Variants in KANK1 observed in about 807,000 individuals in gnomAD.
KANK1 encodes the protein KN motif and ankyrin repeat domains 1, also known as KN motif and ankyrin repeat domain-containing protein 1.
In KANK1, 109 loss-of-function variants were observed where a neutral mutation model predicts 106.2. The observed-to-expected ratio is 1.03, with a 90% CI of 0.88 to 1.20. The LOEUF (loss-of-function observed/expected upper bound fraction) is 1.20. Ranked by LOEUF, KANK1 falls within the 50% of genes most tolerant of loss-of-function variation. The probability of loss-of-function intolerance (pLI) is 0.00; values close to 1 mark genes in which losing one functional copy is unlikely to be tolerated. For missense variants in KANK1, 2,399 were observed against 1,710.7 expected (o/e 1.40, Z -7.10); for synonymous variants, 873 against 652.2 (o/e 1.34, Z -5.16).
Position 491,600 on chromosome 9 carries a change from G to A in KANK1, c.-362+18327G>A, listed in dbSNP as rs1335701554. Among the ~76,000 whole-genome samples, 10 of 152,054 alleles carry A rather than the reference G, an allele frequency of 6.6e-5. No individual in the cohort carries two copies. In the East Asian group the frequency reaches 1.7e-3, roughly 26 times the overall value. ...AATTTTAAATAGCATGGTGATAGTG[G>A]GCCTCTCTGGGGAGGTGACATTTGT... On this transcript the variant is annotated intron_variant, in intron 3 of 15. Transcript: ENST00000382303.
At position 476,205 on chromosome 9, in the gene KANK1, T is replaced by G. The variant is rs1416596111; in HGVS notation, c.-362+2932T>G. Among the ~76,000 whole-genome samples, 3 of 150,102 alleles carry G rather than the reference T, an allele frequency of 2.0e-5. No homozygotes were observed. In the Admixed American group the frequency reaches 2.0e-4, roughly 10 times the overall value. ...AGGTCCTTAAATGCCTGCTCCACAG[T>G]ATTAGCCAAACATGAACAAGATCCC... On this transcript the variant is annotated intron_variant, in intron 3 of 15. Transcript: ENST00000382303.
chr9:590,260 C>G (rs566194015), intron 1 of KANK1, among the ~76,000 whole-genome samples: 1 of 152,066 alleles, frequency 6.6e-6, no homozygotes, highest in East Asian at 1.9e-4. Context: ...GTTCTAATAG[C>G]CTTTGTTATT....
At position 664,623 on chromosome 9, in the gene KANK1, G is replaced by T. The variant is rs534096111; in HGVS notation, c.-83-12267G>T. On this transcript the variant is annotated intron_variant, in intron 1 of 11. Coordinates refer to ENST00000382297, the MANE Select transcript of KANK1 (RefSeq NM_015158.5). Reference sequence around the variant, plus strand: ...CCATATTTTGTCTATTATGGATAGTGCTGCAATAAACATGCAAGTACAGAT... The same window carrying T: ...CCATATTTTGTCTATTATGGATAGTTCTGCAATAAACATGCAAGTACAGAT... 7.9e-5 allele frequency among the ~76,000 whole-genome samples: 12 copies of T among 152,262 alleles called. 1 individual carries two copies. In the South Asian group the frequency reaches 8.3e-4, roughly 11 times the overall value.
intron 3 of KANK1, among the ~76,000 whole-genome samples, chr9:479,547 T>A (rs1007512239): frequency 1.3e-5 from 2 of 152,242 alleles, no homozygotes; most frequent in Non-Finnish European, 2.9e-5. Context: ...CTGCAGGTGA[T>A]TCAGCTGCTA....
Position 671,878 on chromosome 9 carries a change from G to T in KANK1, c.-83-5012G>T, listed in dbSNP as rs977578619. Among the ~76,000 whole-genome samples the T allele has an allele frequency of 5.3e-5, 8 of 152,008 alleles. No individual in the cohort carries two copies. The East Asian group carries it at 7.8e-4, about 15-fold the overall frequency. On this transcript the variant is annotated intron_variant, in intron 1 of 11. Coordinates refer to ENST00000382297, the MANE Select transcript of KANK1 (RefSeq NM_015158.5). The stretch of plus-strand genomic sequence containing the variant: ...CAGGAGAATCACCTGAACCTGGGAG[G>T]CGGAGGTTGCAGTGAGCTGAGATCG...
At chr9:648,198 G>T (rs911371877) in intron 1 of KANK1, among the ~76,000 whole-genome samples, 3 of 150,922 alleles carry the variant, frequency 2.0e-5, no homozygotes, top group Non-Finnish European at 4.4e-5. Flanking sequence ...GAGACGGGGT[G>T]TCATCATGTT....
rs554786671 is a variant in KANK1, at chr9:652,245, G to A, written c.-83-24645G>A. The stretch of plus-strand genomic sequence containing the variant: ...TCAGAGTGTTTGCAGTGTGGGCCAG[G>A]TGCGACGGTTTACTCCTGTAATCCC... On this transcript the variant is annotated intron_variant, in intron 1 of 11. Transcript: ENST00000382297. Among the ~76,000 whole-genome samples, 3 of 152,246 alleles carry A rather than the reference G, an allele frequency of 2.0e-5. No homozygotes were observed. The East Asian group carries it at 5.8e-4, about 29-fold the overall frequency.
intron 1 of KANK1, among the ~76,000 whole-genome samples, chr9:554,485 C>G (rs961671516): frequency 6.6e-6 from 1 of 152,156 alleles, no homozygotes; most frequent in Non-Finnish European, 1.5e-5. Context: ...CGGTTTGTGG[C>G]CAGTGCTTAT....
At chr9:620,360 C>T (rs1832855250) in intron 1 of KANK1, among the ~76,000 whole-genome samples, 1 of 152,054 alleles carries the variant, frequency 6.6e-6, no homozygotes, top group African/African-American at 2.4e-5. Flanking sequence ...CCATAGTAAA[C>T]AACACGTAAT....
chr9:510,466 G>C (rs768139780), intron 1 of KANK1, among the ~76,000 whole-genome samples: 2 of 152,180 alleles, frequency 1.3e-5, no homozygotes, highest in Non-Finnish European at 2.9e-5. Context: ...TTCTGAGGGA[G>C]AAGTCTTTCT....
chr9:581,672 A>G (rs888641138), intron 1 of KANK1, among the ~76,000 whole-genome samples: 1 of 152,142 alleles, frequency 6.6e-6, no homozygotes, highest in Non-Finnish European at 1.5e-5. Context: ...AGAAAGATTC[A>G]CCTCGATTAT....
Position 712,620 on chromosome 9 carries a change from A to G in KANK1, c.1854A>G (p.Thr618=), listed in dbSNP as rs762192386. Residue 618 remains threonine, a synonymous_variant, in exon 3 of 12, where the codon ACA becomes ACG. Transcript: ENST00000382297. Reference sequence around the variant, plus strand: ...TGAACGACCTCACACTCCTCAAGACAAACTTGAATCTCAAAGAAGTGCGGT... The same window carrying G: ...TGAACGACCTCACACTCCTCAAGACGAACTTGAATCTCAAAGAAGTGCGGT... ...ESVNDLTLLK[T]NLNLKEVRSI... 3.7e-6 allele frequency: 6 copies of G among 1,614,046 alleles called. No individual in the cohort carries two copies. Among genetic ancestry groups the G allele is most frequent in the Non-Finnish European group, 5.1e-6 (6 of 1,180,028 alleles).
At chr9:571,653 A>T (rs543851156) in intron 1 of KANK1, among the ~76,000 whole-genome samples, 1 of 152,314 alleles carries the variant, frequency 6.6e-6, no homozygotes, top group Admixed American at 6.5e-5. Flanking sequence ...TTAATCTCAT[A>T]TAAATTTACA....
chr9:633,224 AGGCG>A (rs1836210637), intron 1 of KANK1, among the ~76,000 whole-genome samples: 1 of 152,058 alleles, frequency 6.6e-6, no homozygotes, highest in Non-Finnish European at 1.5e-5. Context: ...TTGAGAGCCG[AGGCG>A]GGCAGATCAG....
At chr9:738,545 C>T in intron 8 of KANK1, 41 bp downstream of exon 8, 1 of 1,517,048 alleles carries the variant, frequency 6.6e-7, no homozygotes, top group Non-Finnish European at 9.2e-7. Context: ...TCTAACAGTA[C>T]TTGGGTTGTG....
chr9:684,214 C>T, intron 2 of KANK1: 1 of 985,380 alleles, frequency 1.0e-6, no homozygotes. Context: ...GCTTAAGCAT[C>T]AGATTTCAGA....
In KANK1 at chr9:644,666, C is replaced by A. The variant is rs1377105453; in HGVS notation, c.-83-32224C>A. On this transcript the variant is annotated intron_variant, in intron 1 of 11. Coordinates refer to ENST00000382297, the MANE Select transcript of KANK1 (RefSeq NM_015158.5). ...CTGGCCCATTCATGAGAACTCTGCC[C>A]CCATGATCCAATCACCTCCCACTAG... 2.0e-5 allele frequency among the ~76,000 whole-genome samples: 3 copies of A among 150,758 alleles called. 1 individual carries two copies. Among genetic ancestry groups the A allele is most frequent in the African/African-American group, 7.5e-5 (3 of 40,098 alleles).
At chr9:692,890 T>A (rs1820317769) in intron 2 of KANK1, among the ~76,000 whole-genome samples, 1 of 152,088 alleles carries the variant, frequency 6.6e-6, no homozygotes, top group African/African-American at 2.4e-5. Flanking sequence ...GGTGTCGTGC[T>A]ACTCTGGAGG....
chr9:553,742 T>C (rs1164452637), intron 1 of KANK1, among the ~76,000 whole-genome samples: 1 of 152,202 alleles, frequency 6.6e-6, no homozygotes, highest in Non-Finnish European at 1.5e-5. Context: ...CTTTGGTAAA[T>C]TCAAAGCTTC....
Sources: gnomAD v4.1 joint callset for allele counts (sites outside exome capture counted in the v4.1 genomes callset) on GRCh38, gnomAD v4.1.1 for gene constraint, MANE v1.5 for transcripts, NCBI Gene and HGNC (gene_info 2026-07-23, HGNC 2026-07-21) for gene names.